The following AKAP19 variants were observed in gnomAD, a reference collection of about 807,000 sequenced individuals.
AKAP19 encodes the protein small A-kinase anchoring protein.
At chr2:189,985,445 CAGA>C in the AKAP19 span, among the ~76,000 whole-genome samples, 38 of 152,248 alleles carry the variant, frequency 2.5e-4, no homozygotes, top group Admixed American at 8.5e-4. Flanking sequence ...CAGCTGGTTG[CAGA>C]AGAAGAGTCA....
the AKAP19 span, among the ~76,000 whole-genome samples, chr2:189,959,068 TA>T: frequency 6.6e-6 from 1 of 152,100 alleles, no homozygotes; most frequent in African/African-American, 2.4e-5. Context: ...ATTGTGATGT[TA>T]TTTTTTTTCT....
the AKAP19 span, among the ~76,000 whole-genome samples, chr2:190,087,658 T>C: frequency 4.6e-5 from 7 of 152,234 alleles, no homozygotes; most frequent in Admixed American, 1.3e-4. Flanking sequence ...TGTGAATCAA[T>C]GTCGATCTCT....
At chr2:190,159,610 G>A in the AKAP19 span, among the ~76,000 whole-genome samples, 1 of 152,016 alleles carries the variant, frequency 6.6e-6, no homozygotes, top group Non-Finnish European at 1.5e-5. Context: ...AAGTTCTCTC[G>A]TCCCTAAGGT....
At chr2:189,908,134 T>C in the AKAP19 span, among the ~76,000 whole-genome samples, 1 of 152,060 alleles carries the variant, frequency 6.6e-6, no homozygotes, top group African/African-American at 2.4e-5. Flanking sequence ...TACCTTAAGG[T>C]GTAAAGTTAG....
the AKAP19 span, among the ~76,000 whole-genome samples, chr2:190,000,552 G>T: frequency 6.6e-6 from 1 of 152,112 alleles, no homozygotes; most frequent in East Asian, 1.9e-4. Flanking sequence ...CAAACTGAGG[G>T]GTTTCACTTC....
At chr2:190,146,451 G>A in the AKAP19 span, among the ~76,000 whole-genome samples, 19 of 152,150 alleles carry the variant, frequency 1.2e-4, no homozygotes, top group Admixed American at 2.0e-4. Flanking sequence ...GAATTGTGCC[G>A]CTATAAACAT....
chr2:189,953,788 TC>T, the AKAP19 span, among the ~76,000 whole-genome samples: 1 of 152,158 alleles, frequency 6.6e-6, no homozygotes, highest in South Asian at 2.1e-4. Context: ...TAAGTGATTT[TC>T]CCAAGTTCTA....
chr2:190,077,248 G>A, the AKAP19 span, among the ~76,000 whole-genome samples: 1 of 148,518 alleles, frequency 6.7e-6, no homozygotes, highest in Admixed American at 6.7e-5. Flanking sequence ...TTGAGATGAA[G>A]TCTCACTCTG....
chr2:190,144,459 G>T, the AKAP19 span, among the ~76,000 whole-genome samples: 3 of 151,966 alleles, frequency 2.0e-5, no homozygotes, highest in Non-Finnish European at 4.4e-5. Context: ...TTAATTATTT[G>T]ATTCAAATAT....
chr2:190,009,059 A>G, the AKAP19 span, among the ~76,000 whole-genome samples: 26 of 152,266 alleles, frequency 1.7e-4, no homozygotes, highest in African/African-American at 5.8e-4. Flanking sequence ...AGAGAAGAGC[A>G]GTAAAAGGAA....
At chr2:190,187,135 C>T in the AKAP19 span, among the ~76,000 whole-genome samples, 1 of 152,088 alleles carries the variant, frequency 6.6e-6, no homozygotes, top group Non-Finnish European at 1.5e-5. Context: ...ATCACATCTA[C>T]ACTGAAATTT....
the AKAP19 span, chr2:190,062,435 T>C: frequency 1.2e-6 from 2 of 1,613,502 alleles, no homozygotes; most frequent in Non-Finnish European, 1.7e-6. Flanking sequence ...TCTTAATGGC[T>C]TCTATTCTTG....
the AKAP19 span, among the ~76,000 whole-genome samples, chr2:190,165,931 A>T: frequency 3.7e-4 from 56 of 152,326 alleles, no homozygotes; most frequent in African/African-American, 1.3e-3. Context: ...ATCTTCAAAG[A>T]GCCAAGGGAA....
chr2:189,989,874 TAGAG>T, the AKAP19 span, among the ~76,000 whole-genome samples: 12,551 of 152,062 alleles, frequency 0.083, 1,458 homozygotes, highest in African/African-American at 0.25. Context: ...AGATCTAAAT[TAGAG>T]AGACATTCTG....
At chr2:190,062,970 G>C in the AKAP19 span, among the ~76,000 whole-genome samples, 1 of 152,016 alleles carries the variant, frequency 6.6e-6, no homozygotes, top group Non-Finnish European at 1.5e-5. Context: ...AAAAACAAAA[G>C]TCTATGTTGG....
chr2:190,018,102 T>C, the AKAP19 span, among the ~76,000 whole-genome samples: 1 of 152,132 alleles, frequency 6.6e-6, no homozygotes, highest in African/African-American at 2.4e-5. Context: ...TTTTTGATAG[T>C]TTGATTCTTA....
At chr2:190,190,755 T>C in the AKAP19 span, among the ~76,000 whole-genome samples, 3 of 152,204 alleles carry the variant, frequency 2.0e-5, no homozygotes, top group Non-Finnish European at 4.4e-5. Context: ...AATTATATTG[T>C]GGTTTTAAAA....
the AKAP19 span, among the ~76,000 whole-genome samples, chr2:189,969,790 TAA>T: frequency 6.7e-6 from 1 of 150,192 alleles, no homozygotes; most frequent in Non-Finnish European, 1.5e-5. Context: ...CATTTTGACC[TAA>T]GTTTTAGAAT....
chr2:190,037,177 G>T, the AKAP19 span, among the ~76,000 whole-genome samples: 1 of 152,168 alleles, frequency 6.6e-6, no homozygotes, highest in African/African-American at 2.4e-5. Context: ...ATCAGACTTG[G>T]TTTCTTGGGA....
Sources: allele counts gnomAD v4.1 joint callset (sites outside exome capture counted in the v4.1 genomes callset), GRCh38; gene constraint gnomAD v4.1.1; transcripts MANE v1.5; gene names NCBI Gene and HGNC (gene_info 2026-07-23, HGNC 2026-07-21).